Variants in C7orf33 observed in about 807,000 individuals in gnomAD.
C7orf33 encodes uncharacterized protein C7orf33.
C7orf33 carries 15 observed loss-of-function variants against 13.4 expected under a neutral mutation model. That is an observed-to-expected ratio of 1.12 (90% CI 0.75 to 1.72). C7orf33 has a LOEUF of 1.72. C7orf33 is among the 40% of genes most tolerant of loss of function. C7orf33 has a pLI of 0.00. For synonymous variants in C7orf33, 73 were observed against 83.2 expected, an observed-to-expected ratio of 0.88 and a Z score of 0.67; for missense variants, 187 against 220.3, an observed-to-expected ratio of 0.85 and a Z score of 0.96.
At position 148,591,005 on chromosome 7, in the gene C7orf33, T is replaced by C. The variant is rs1796262110; in HGVS notation, c.80T>C (p.Leu27Pro). ...LPGPQCECEA[L>P]LPSGARRRID... ...GGCCCCCAATGTGAATGTGAAGCCC[T>C]CCTGCCCAGTGGGGCAAGGCGCCGG... Residue 27 changes from leucine to proline, a missense_variant, in exon 1 of 3, where the codon CTC (leucine) becomes CCC (proline). Coordinates refer to ENST00000307003, the MANE Select transcript of C7orf33 (RefSeq NM_145304.4). 1 of 1,614,126 alleles carries C rather than the reference T, an allele frequency of 6.2e-7. No individual in the cohort carries two copies. Among genetic ancestry groups the C allele is most frequent in the Non-Finnish European group, 8.5e-7 (1 of 1,179,978 alleles).
At position 148,604,045 on chromosome 7, in the gene C7orf33, G is replaced by A. The variant is rs550237773; in HGVS notation, c.205-9997G>A. Among the ~76,000 whole-genome samples the A allele has an allele frequency of 6.0e-4, 91 of 151,728 alleles. 1 individual carries two copies. In the South Asian group the frequency reaches 0.015, roughly 25 times the overall value. On this transcript the variant is annotated intron_variant, in intron 1 of 2. Transcript: ENST00000307003. ...GAAATTGTGATATATGTATCCCATG[G>A]AATACTACTCAGCCATAAAAAGGAA...
In C7orf33 at chr7:148,612,644, A is replaced by G. The variant is rs143460602; in HGVS notation, c.205-1398A>G. Among the ~76,000 whole-genome samples the G allele has an allele frequency of 3.9e-4, 59 of 152,296 alleles. 2 individuals are homozygous for G. In the East Asian group the frequency reaches 0.011, roughly 28 times the overall value. On this transcript the variant is annotated intron_variant, in intron 1 of 2. Transcript: ENST00000307003. ...ATGTGTACATGAAGAGATACTCAAC[A>G]TCATTAGCCATTTGAGATATGCAAA...
intron 1 of C7orf33, among the ~76,000 whole-genome samples, chr7:148,598,755 TATATATATAGAGAGAG>T (rs1269577178): frequency 2.4e-3 from 124 of 52,376 alleles, no homozygotes; most frequent in East Asian, 2.9e-3. Flanking sequence ...TATATATATA[TATATATATAGAGAGAG>T]AGAGAGAGAG....
chr7:148,597,878 C>G (rs1796359683), intron 1 of C7orf33, among the ~76,000 whole-genome samples: 1 of 152,148 alleles, frequency 6.6e-6, no homozygotes, highest in Non-Finnish European at 1.5e-5. Context: ...GCCTTAGCCT[C>G]CCGAGTAGCT....
At chr7:148,593,471 G>T (rs149289463) in intron 1 of C7orf33, among the ~76,000 whole-genome samples, 1,760 of 151,608 alleles carry the variant, frequency 0.012, 39 homozygotes, top group African/African-American at 0.038. Context: ...CACCATGTTG[G>T]CCAGGCTGGT....
chr7:148,611,430 G>C (rs541174253), intron 1 of C7orf33, among the ~76,000 whole-genome samples: 25 of 152,306 alleles, frequency 1.6e-4, no homozygotes, highest in Non-Finnish European at 3.2e-4. Flanking sequence ...AGAAGAAAAA[G>C]AGGGACGTCT....
intron 1 of C7orf33, among the ~76,000 whole-genome samples, chr7:148,608,899 T>C (rs1024842964): frequency 4.6e-5 from 7 of 152,134 alleles, no homozygotes; most frequent in African/African-American, 1.4e-4. Context: ...AACAGTCCTA[T>C]TGCCTCCCTA....
chr7:148,598,763 TAGAGAGAGAGAGAGAGAGAGAGAG>T (rs774619392), intron 1 of C7orf33, among the ~76,000 whole-genome samples: 35 of 26,194 alleles, frequency 1.3e-3, no homozygotes, highest in African/African-American at 2.7e-3. Context: ...TATATATATA[TAGAGAGAGAGAGAGAGAGAGAGAG>T]AGAGAGAGAG....
intron 1 of C7orf33, among the ~76,000 whole-genome samples, chr7:148,599,615 C>T (rs753976608): frequency 6.6e-6 from 1 of 151,900 alleles, no homozygotes; most frequent in Non-Finnish European, 1.5e-5. Context: ...GCTGGAATTA[C>T]AGGTGCGCAC....
intron 1 of C7orf33, among the ~76,000 whole-genome samples, chr7:148,608,084 G>C (rs1181573391): frequency 6.6e-6 from 1 of 152,146 alleles, no homozygotes; most frequent in Non-Finnish European, 1.5e-5. Context: ...TTTCTACCCA[G>C]AAAGACAAGT....
Position 148,597,977 on chromosome 7 carries a change from G to A in C7orf33, c.204+6848G>A, listed in dbSNP as rs569587202. On this transcript the variant is annotated intron_variant, in intron 1 of 2. Coordinates refer to ENST00000307003, the MANE Select transcript of C7orf33 (RefSeq NM_145304.4). ...TCACTGTGTTAGCCAGGATGATCTC[G>A]ATCTCCTGACCTAGTGATCCTCCCG... Among the ~76,000 whole-genome samples the A allele has an allele frequency of 1.1e-4, 17 of 152,164 alleles. No individual in the cohort carries two copies. In the South Asian group the frequency reaches 1.7e-3, roughly 15 times the overall value.
intron 1 of C7orf33, among the ~76,000 whole-genome samples, chr7:148,603,012 C>A (rs1796433581): frequency 6.6e-6 from 1 of 152,078 alleles, no homozygotes; most frequent in African/African-American, 2.4e-5. Context: ...GCAAATGAAA[C>A]CATCCCAAAA....
intron 1 of C7orf33, among the ~76,000 whole-genome samples, chr7:148,607,134 A>G (rs1796482388): frequency 6.6e-6 from 1 of 152,192 alleles, no homozygotes; most frequent in African/African-American, 2.4e-5. Flanking sequence ...TAGAGAAGTG[A>G]CAGGACAAAG....
chr7:148,591,173 G>A (rs1291809309), intron 1 of C7orf33, 44 bp downstream of exon 1: 1 of 1,466,502 alleles, frequency 6.8e-7, no homozygotes, highest in Admixed American at 1.7e-5. Context: ...CTTTGAGTCA[G>A]TCAGTATCTC....
chr7:148,614,095 A>G lies in C7orf33; in HGVS notation c.258A>G (p.Val86=). 6.2e-7 allele frequency: 1 copy of G among 1,614,194 alleles called. No individual in the cohort carries two copies. Among genetic ancestry groups the G allele is most frequent in the South Asian group, 1.1e-5 (1 of 91,082 alleles). ...MNRGMEFIAP[V]SAPTKSGAPW... is the part of the protein sequence containing the mutation. ...GGGGGATGGAATTTATTGCTCCTGTATCAGCTCCCACCAAATCTGGTGCCC... is the reference window on the plus strand; with the variant it reads ...GGGGGATGGAATTTATTGCTCCTGTGTCAGCTCCCACCAAATCTGGTGCCC... Residue 86 remains valine, a synonymous_variant, in exon 2 of 3, where the codon GTA becomes GTG. Coordinates refer to ENST00000307003, the MANE Select transcript of C7orf33 (RefSeq NM_145304.4).
intron 1 of C7orf33, among the ~76,000 whole-genome samples, chr7:148,597,818 T>C (rs555428315): frequency 3.2e-4 from 48 of 152,270 alleles, no homozygotes; most frequent in East Asian, 1.7e-3. Flanking sequence ...TGCAGTGGCG[T>C]GATCTCAGCT....
Position 148,609,786 on chromosome 7 carries a change from G to A in C7orf33, c.205-4256G>A, listed in dbSNP as rs533209124. Among the ~76,000 whole-genome samples the A allele has an allele frequency of 3.3e-5, 5 of 152,278 alleles. No individual in the cohort carries two copies. The South Asian group carries it at 1.0e-3, about 32-fold the overall frequency. On this transcript the variant is annotated intron_variant, in intron 1 of 2. Transcript: ENST00000307003. ...TAAGCTTTCCCTCTGATACTTGGCCGCTTAGTGGAGGGTGGAGGGTTGGAA... is the reference window on the plus strand; with the variant it reads ...TAAGCTTTCCCTCTGATACTTGGCCACTTAGTGGAGGGTGGAGGGTTGGAA...
intron 1 of C7orf33, among the ~76,000 whole-genome samples, chr7:148,600,511 C>CCTCTTAATGAAATAAATTA (rs1379885597): frequency 1.3e-5 from 2 of 152,000 alleles, no homozygotes; most frequent in Non-Finnish European, 2.9e-5. Context: ...AAATTAAGCC[C>CCTCTTAATGAAATAAATTA]AGAGCAGGGA....
intron 1 of C7orf33, among the ~76,000 whole-genome samples, chr7:148,595,260 AAT>A (rs1056845072): frequency 6.9e-6 from 1 of 143,930 alleles, no homozygotes; most frequent in African/African-American, 2.5e-5. Context: ...TATCATGTAT[AAT>A]ATAGAGATAT....
Sources: gnomAD v4.1 joint callset for allele counts (sites outside exome capture counted in the v4.1 genomes callset) on GRCh38, gnomAD v4.1.1 for gene constraint, MANE v1.5 for transcripts, NCBI Gene and HGNC (gene_info 2026-07-23, HGNC 2026-07-21) for gene names.